ADAMTS17: variants seen among roughly 807,000 people sequenced by gnomAD.
ADAMTS17 encodes A disintegrin and metalloproteinase with thrombospondin motifs 17.
Under a neutral mutation model 141.5 loss-of-function variants are expected in ADAMTS17, and 113 were observed. The observed-to-expected ratio is 0.80, with a 90% CI of 0.69 to 0.93. The LOEUF is 0.93. Among genes scored for constraint, ADAMTS17 ranks in the 40% least tolerant of loss-of-function variants. ADAMTS17 has a pLI of 0.00. For synonymous variants in ADAMTS17, 768 were observed against 630.6 expected (o/e 1.22, Z -3.27); for missense variants, 1,659 against 1,517.9 (o/e 1.09, Z -1.54).
chr15:100,290,072 C>T lies in ADAMTS17; in HGVS notation c.617-8671G>A, dbSNP rs568921337. Among the ~76,000 whole-genome samples the T allele has an allele frequency of 2.6e-5, 4 of 152,176 alleles. No homozygotes were observed. In the South Asian group the frequency reaches 6.2e-4, roughly 24 times the overall value. On this transcript the variant is annotated intron_variant, in intron 3 of 21. Coordinates refer to ENST00000268070, the MANE Select transcript of ADAMTS17 (RefSeq NM_139057.4). ...TCATACAGGAAGAGAGTAAGTCAAA[C>T]CATCTCTGCTTGCAGACGTTATGAT...
At chr15:100,140,488 C>CATATATATATATATATATATATAG (rs60035034) in intron 10 of ADAMTS17, among the ~76,000 whole-genome samples, 1 of 124,936 alleles carries the variant, frequency 8.0e-6, no homozygotes, top group Non-Finnish European at 1.8e-5. Flanking sequence ...CACATACATA[C>CATATATATATATATATATATATAG]ATATATATAT....
chr15:100,064,447 T>G (rs2033370374), intron 15 of ADAMTS17, among the ~76,000 whole-genome samples: 1 of 152,232 alleles, frequency 6.6e-6, no homozygotes, highest in African/African-American at 2.4e-5. Context: ...GGCACCTCCC[T>G]GGTGCATCAG....
chr15:100,069,145 A>G (rs999816046), intron 15 of ADAMTS17, among the ~76,000 whole-genome samples: 5 of 152,202 alleles, frequency 3.3e-5, no homozygotes, highest in Admixed American at 6.5e-5. Flanking sequence ...GGGTATCAGC[A>G]ATGGAAGATG....
intron 8 of ADAMTS17, among the ~76,000 whole-genome samples, chr15:100,173,102 C>T (rs549310965): frequency 1.8e-4 from 27 of 152,306 alleles, no homozygotes; most frequent in East Asian, 3.9e-4. Context: ...TTCCAAGTGA[C>T]GCTGATGCTG....
intron 10 of ADAMTS17, among the ~76,000 whole-genome samples, chr15:100,134,137 G>C (rs1432378997): frequency 2.0e-5 from 3 of 152,174 alleles, no homozygotes; most frequent in African/African-American, 7.2e-5. Flanking sequence ...AACCATAAGA[G>C]ACAGGAGCTG....
chr15:100,229,327 G>C (rs142024454), intron 7 of ADAMTS17, among the ~76,000 whole-genome samples: 1 of 151,288 alleles, frequency 6.6e-6, no homozygotes, highest in Admixed American at 6.6e-5. Context: ...GGACTCCCAG[G>C]CCTCTTATCT....
At chr15:100,087,999 CAGG>C (rs1224340386) in intron 15 of ADAMTS17, among the ~76,000 whole-genome samples, 10 of 152,076 alleles carry the variant, frequency 6.6e-5, no homozygotes, top group Non-Finnish European at 1.5e-4. Flanking sequence ...GGCAGTCAGG[CAGG>C]AGAAGGAAAT....
At chr15:100,040,422 C>A (rs2031144325) in intron 18 of ADAMTS17, among the ~76,000 whole-genome samples, 1 of 152,186 alleles carries the variant, frequency 6.6e-6, no homozygotes, top group African/African-American at 2.4e-5. Context: ...ATTCCTCAGA[C>A]TAAATCTCAC....
chr15:100,274,571 C>T (rs1169677547), intron 4 of ADAMTS17, among the ~76,000 whole-genome samples: 1 of 152,122 alleles, frequency 6.6e-6, no homozygotes, highest in Admixed American at 6.5e-5. Context: ...CAGTAAGTCT[C>T]TTATAGACCG....
chr15:100,151,881 T>C (rs2039182784), intron 10 of ADAMTS17, among the ~76,000 whole-genome samples: 1 of 152,206 alleles, frequency 6.6e-6, no homozygotes, highest in African/African-American at 2.4e-5. Flanking sequence ...GACCTTGCTG[T>C]TTGCATCATG....
intron 7 of ADAMTS17, among the ~76,000 whole-genome samples, chr15:100,239,033 T>C (rs554720530): frequency 4.9e-4 from 74 of 152,246 alleles, no homozygotes; most frequent in Middle Eastern, 6.8e-3. Context: ...GAGCTTGCAG[T>C]GAGCCGAGAT....
chr15:100,341,370 G>A lies in ADAMTS17; in HGVS notation c.119C>T (p.Pro40Leu), dbSNP rs1452285758. 4 of 1,017,742 alleles carry A rather than the reference G, an allele frequency of 3.9e-6. No homozygotes were observed. The highest frequency in any genetic ancestry group is 4.7e-6 in the Non-Finnish European group (4 of 853,086). The allele number at this position is 1,017,742 out of a possible 1,614,324, so 63.0% of individuals were successfully genotyped here. ...CACGTCGTCGGGGCGCACCCGCCAC[G>A]GGAGCACCACCTCCACGTCGGCCGC... The part of the protein sequence containing the change: ...DAAADVEVVL[P>L]WRVRPDDVHL... Residue 40 changes from proline to leucine, a missense_variant, in exon 2 of 22, where the codon CCG becomes CTG. Transcript: ENST00000268070.
chr15:100,269,699 G>A (rs560089550), intron 4 of ADAMTS17, among the ~76,000 whole-genome samples: 4 of 152,242 alleles, frequency 2.6e-5, no homozygotes, highest in East Asian at 1.9e-4. Context: ...ACAGAGAAGC[G>A]GCAGCAGGAA....
chr15:100,116,482 G>C (rs552211847), intron 13 of ADAMTS17, among the ~76,000 whole-genome samples: 3 of 152,386 alleles, frequency 2.0e-5, no homozygotes, highest in Non-Finnish European at 2.9e-5. Flanking sequence ...CCAGAGAGCA[G>C]CCGCACCAGC....
intron 7 of ADAMTS17, among the ~76,000 whole-genome samples, chr15:100,253,025 C>T (rs2043200869): frequency 6.6e-6 from 1 of 152,176 alleles, no homozygotes; most frequent in South Asian, 2.1e-4. Context: ...CTGGGGCTCC[C>T]CCAGAAGCTC....
chr15:100,254,525 CTCCCCAAGCTACTCTACT>C (rs888382162), intron 6 of ADAMTS17, among the ~76,000 whole-genome samples: 3 of 152,166 alleles, frequency 2.0e-5, no homozygotes, highest in Admixed American at 6.5e-5. Context: ...CTGCAGTGGC[CTCCCCAAGCTACTCTACT>C]TCCCCAAGCT....
rs1009878849 is a variant in ADAMTS17 at position 100,260,073 on chromosome 15, G to T, written c.1031+1406C>A. Among the ~76,000 whole-genome samples the T allele has an allele frequency of 3.3e-5, 5 of 151,980 alleles. 1 individual carries two copies. Among genetic ancestry groups the T allele is most frequent in the Middle Eastern group, 6.3e-3 (2 of 316 alleles). On this transcript the variant is annotated intron_variant, in intron 6 of 21. Transcript: ENST00000268070. The stretch of plus-strand genomic sequence containing the variant: ...TTGGCCAAGCTGGTCTCGAACTCCT[G>T]ACCTCAGGTGATCCGCCCGCCTCAG...
intron 8 of ADAMTS17, among the ~76,000 whole-genome samples, chr15:100,177,508 T>C (rs2040378198): frequency 6.6e-6 from 1 of 152,220 alleles, no homozygotes; most frequent in East Asian, 1.9e-4. Flanking sequence ...TCAGAGAATA[T>C]ACCTTACACG....
At chr15:100,064,162 G>A (rs560895240) in intron 15 of ADAMTS17, among the ~76,000 whole-genome samples, 7 of 152,232 alleles carry the variant, frequency 4.6e-5, no homozygotes, top group African/African-American at 9.6e-5. Context: ...GGAGAATGTC[G>A]CGAGAACATG....
Sources: allele counts gnomAD v4.1 joint callset (sites outside exome capture counted in the v4.1 genomes callset), GRCh38; gene constraint gnomAD v4.1.1; transcripts MANE v1.5; gene names NCBI Gene and HGNC (gene_info 2026-07-23, HGNC 2026-07-21).